The following PPP2R2B variants were observed in gnomAD, a reference collection of about 807,000 sequenced individuals.
The protein encoded by PPP2R2B is protein phosphatase 2 regulatory subunit Bbeta.
In PPP2R2B, 5 loss-of-function variants were observed where a neutral mutation model predicts 46.0. The observed-to-expected ratio is 0.11, with a 90% CI of 0.06 to 0.23. PPP2R2B has a LOEUF of 0.23. Ranked by LOEUF, PPP2R2B falls within the 10% of genes least tolerant of loss-of-function variation. The pLI, the probability that PPP2R2B is intolerant of heterozygous loss-of-function variation, is 1.00. For missense variants in PPP2R2B, 367 were observed against 575.0 expected (o/e 0.64, Z 3.70); for synonymous variants, 215 against 206.7 (o/e 1.04, Z -0.34).
chr5:146,754,693 C>T (rs1166064426), intron 2 of PPP2R2B, among the ~76,000 whole-genome samples: 1 of 152,172 alleles, frequency 6.6e-6, no homozygotes, highest in African/African-American at 2.4e-5. Context: ...TTCTTTTACT[C>T]TCCCATCACT....
At chr5:146,643,298 G>T (rs918338157) in intron 6 of PPP2R2B, among the ~76,000 whole-genome samples, 10 of 152,086 alleles carry the variant, frequency 6.6e-5, no homozygotes, top group African/African-American at 2.4e-4. Flanking sequence ...ACTCTTCTGG[G>T]TGCAGGAGAT....
At chr5:146,872,689 A>G (rs1417779547) in intron 2 of PPP2R2B, among the ~76,000 whole-genome samples, 1 of 152,226 alleles carries the variant, frequency 6.6e-6, no homozygotes, top group African/African-American at 2.4e-5. Context: ...GAGACGTTCT[A>G]AACTCAACTC....
intron 2 of PPP2R2B, among the ~76,000 whole-genome samples, chr5:146,741,373 T>C (rs964754219): frequency 6.6e-6 from 1 of 152,202 alleles, no homozygotes; most frequent in South Asian, 2.1e-4. Context: ...AATGTACTTA[T>C]AATCTGAAGT....
intron 4 of PPP2R2B, among the ~76,000 whole-genome samples, chr5:146,692,822 C>T (rs905788187): frequency 6.6e-6 from 1 of 152,162 alleles, no homozygotes; most frequent in African/African-American, 2.4e-5. Flanking sequence ...GCGGGAGCCA[C>T]CACACCCGGC....
At chr5:146,882,449 G>A (rs1048738057), upstream of PPP2R2B, among the ~76,000 whole-genome samples, 16 of 152,014 alleles carry the variant, frequency 1.1e-4, no homozygotes, top group South Asian at 2.1e-4. Flanking sequence ...CCAAGGCTCC[G>A]ATATCATTTT....
chr5:147,022,550 C>A (rs1232507145), intron 1 of PPP2R2B, among the ~76,000 whole-genome samples: 1 of 121,772 alleles, frequency 8.2e-6, no homozygotes, highest in Non-Finnish European at 1.8e-5. Context: ...CAGAGCAAGG[C>A]TCCATCCAAA....
intron 5 of PPP2R2B, among the ~76,000 whole-genome samples, chr5:146,673,483 A>AT (rs10707394): frequency 0.027 from 4,049 of 151,726 alleles, 177 homozygotes; most frequent in African/African-American, 0.092. Flanking sequence ...TATTTAGAAG[A>AT]TTTTTTTTTT....
At chr5:147,027,436 C>A (rs1041683353) in intron 1 of PPP2R2B, among the ~76,000 whole-genome samples, 3 of 152,016 alleles carry the variant, frequency 2.0e-5, no homozygotes, top group African/African-American at 4.8e-5. Context: ...AGATCGAGAC[C>A]ATCCTGGCCA....
At chr5:146,970,629 G>A (rs1344080022) in intron 1 of PPP2R2B, among the ~76,000 whole-genome samples, 1 of 151,982 alleles carries the variant, frequency 6.6e-6, no homozygotes, top group African/African-American at 2.4e-5. Context: ...AAGAAGGGAA[G>A]ACCAGAAGGT....
intron 7 of PPP2R2B, among the ~76,000 whole-genome samples, chr5:146,625,510 GAA>G (rs548857877): frequency 5.3e-5 from 8 of 152,266 alleles, no homozygotes; most frequent in East Asian, 3.9e-4. Flanking sequence ...GGGGGTTTGA[GAA>G]AAGAGTCTAG....
At chr5:146,791,549 T>G (rs1201478465) in intron 2 of PPP2R2B, among the ~76,000 whole-genome samples, 1 of 152,096 alleles carries the variant, frequency 6.6e-6, no homozygotes, top group Non-Finnish European at 1.5e-5. Context: ...GGTCCAGATT[T>G]TCACTGCTAC....
intron 1 of PPP2R2B, among the ~76,000 whole-genome samples, chr5:146,967,662 C>G (rs73793313): frequency 0.013 from 1,947 of 152,226 alleles, 47 homozygotes; most frequent in African/African-American, 0.045. Flanking sequence ...CAGGGGCAGC[C>G]CCACTCAGTA....
intron 1 of PPP2R2B, among the ~76,000 whole-genome samples, chr5:147,014,847 C>T (rs952672567): frequency 1.3e-5 from 2 of 151,256 alleles, no homozygotes; most frequent in African/African-American, 4.9e-5. Context: ...AACTAACCTG[C>T]ACAATGTGCA....
intron 1 of PPP2R2B, among the ~76,000 whole-genome samples, chr5:146,912,892 C>T (rs758455968): frequency 6.6e-6 from 1 of 152,080 alleles, no homozygotes; most frequent in Non-Finnish European, 1.5e-5. Context: ...CAAGTACTAC[C>T]GTCATATGGA....
At chr5:146,659,012 T>C (rs1162298883) in intron 5 of PPP2R2B, among the ~76,000 whole-genome samples, 1 of 149,368 alleles carries the variant, frequency 6.7e-6, no homozygotes, top group Non-Finnish European at 1.5e-5. Flanking sequence ...AAAAAGTCTA[T>C]TTACATCTAT....
In PPP2R2B at chr5:146,965,195, C is replaced by T. The variant is rs576221537; in HGVS notation, c.79+90470G>A. ...CCAAAAGAAAATCATCCACCAACTCCCTTCAAAATATATAAGATGAAAATT... is the reference window on the plus strand; with the variant it reads ...CCAAAAGAAAATCATCCACCAACTCTCTTCAAAATATATAAGATGAAAATT... On this transcript the variant is annotated intron_variant, in intron 1 of 8. Transcript: ENST00000336640. Among the ~76,000 whole-genome samples the T allele has an allele frequency of 2.0e-4, 31 of 152,234 alleles. 1 individual carries two copies. Among genetic ancestry groups the T allele is most frequent in the Admixed American group, 1.2e-3 (19 of 15,282 alleles).
chr5:146,881,840 T>C (rs1266467056), upstream of PPP2R2B, among the ~76,000 whole-genome samples: 5 of 152,158 alleles, frequency 3.3e-5, no homozygotes, highest in African/African-American at 1.2e-4. Flanking sequence ...GTTTCATACC[T>C]CCCCCCTTCT....
chr5:146,916,093 T>C (rs181805891), intron 1 of PPP2R2B, among the ~76,000 whole-genome samples: 183 of 152,248 alleles, frequency 1.2e-3, no homozygotes, highest in Non-Finnish European at 2.0e-3. Context: ...AAATAAAAAA[T>C]TGTATCACTT....
intron 6 of PPP2R2B, among the ~76,000 whole-genome samples, chr5:146,647,297 C>T (rs1775646971): frequency 2.0e-5 from 1 of 49,722 alleles, no homozygotes; most frequent in African/African-American, 5.7e-5. Context: ...TTATTCTATC[C>T]TGAACCATGT....
Sources: gnomAD v4.1 joint callset for allele counts (sites outside exome capture counted in the v4.1 genomes callset) on GRCh38, gnomAD v4.1.1 for gene constraint, MANE v1.5 for transcripts, NCBI Gene and HGNC (gene_info 2026-07-23, HGNC 2026-07-21) for gene names.